PHC1: variants seen among roughly 807,000 people sequenced by gnomAD.
The protein encoded by PHC1 is polyhomeotic-like protein 1.
A neutral mutation model predicts 104.3 loss-of-function variants in PHC1; 12 were observed. That is an observed-to-expected ratio of 0.12 (90% confidence interval 0.07 to 0.19). PHC1 has a LOEUF of 0.19. PHC1 is among the 10% of genes least tolerant of loss of function. The probability of loss-of-function intolerance (pLI) is 1.00; values close to 1 mark genes in which losing one functional copy is unlikely to be tolerated. For synonymous variants in PHC1, 302 were observed against 455.8 expected, an observed-to-expected ratio of 0.66 and a Z score of 4.30; for missense variants, 671 against 1,200.0, an observed-to-expected ratio of 0.56 and a Z score of 6.51.
chr12:8,927,748 G>T (rs1448141862), intron 6 of PHC1, among the ~76,000 whole-genome samples: 1 of 152,154 alleles, frequency 6.6e-6, no homozygotes, highest in African/African-American at 2.4e-5. Context: ...ATGTGCTCTA[G>T]CACCCAATCC....
chr12:8,927,171 A>C (rs1237635558), intron 6 of PHC1, among the ~76,000 whole-genome samples: 2 of 152,184 alleles, frequency 1.3e-5, no homozygotes, highest in Non-Finnish European at 2.9e-5. Flanking sequence ...TCTCTTTCTA[A>C]TGTAGAGAGA....
chr12:8,931,064 G>C, intron 7 of PHC1, 137 bp downstream of exon 7: 1 of 857,190 alleles, frequency 1.2e-6, no homozygotes, highest in Non-Finnish European at 1.8e-6. Flanking sequence ...GAAGGAATGG[G>C]AATAATATCA....
chr12:8,930,022 A>G (rs1420077099), intron 6 of PHC1, among the ~76,000 whole-genome samples: 3 of 152,188 alleles, frequency 2.0e-5, no homozygotes, highest in Non-Finnish European at 4.4e-5. Flanking sequence ...TTATTATGTC[A>G]TAAGTGATAA....
chr12:8,918,823 C>T (rs958787588), intron 2 of PHC1, among the ~76,000 whole-genome samples: 6 of 152,180 alleles, frequency 3.9e-5, no homozygotes, highest in Admixed American at 1.3e-4. Context: ...ATGACAGGAA[C>T]GCGTTTTGAG....
intron 2 of PHC1, among the ~76,000 whole-genome samples, 176 bp downstream of exon 2, chr12:8,917,967 G>C (rs1000424173): frequency 3.9e-5 from 6 of 152,172 alleles, no homozygotes; most frequent in African/African-American, 1.4e-4. Flanking sequence ...GTTTAGGCAA[G>C]CAAACAGTGA....
intron 6 of PHC1, among the ~76,000 whole-genome samples, chr12:8,930,141 G>C (rs1945640272): frequency 6.6e-6 from 1 of 152,166 alleles, no homozygotes; most frequent in African/African-American, 2.4e-5. Context: ...GTTTTTGGGA[G>C]GTGCTGAATG....
At chr12:8,932,406 G>A (rs1194084034) in intron 7 of PHC1, among the ~76,000 whole-genome samples, 157 bp from the exon 8 acceptor site, 5 of 152,226 alleles carry the variant, frequency 3.3e-5, no homozygotes, top group Non-Finnish European at 7.3e-5. Context: ...GAGTATGGAC[G>A]AAGTGATGTC....
In PHC1 at chr12:8,919,691, G is replaced by A; in HGVS notation, c.115-65G>A. On this transcript the variant is annotated intron_variant, in intron 2 of 14. Coordinates refer to ENST00000544916, the MANE Select transcript of PHC1 (RefSeq NM_004426.3). The surrounding 1 kb of genome is among the most constrained non-coding windows in gnomAD (Gnocchi z 4.9). ...CATGGCCCCCTTTCACACAAATACA[G>A]TGATTTACATAGAATAGGAGCTAGG... 6.8e-7 allele frequency: 1 copy of A among 1,481,354 alleles called. No individual in the cohort carries two copies. Among genetic ancestry groups the A allele is most frequent in the Non-Finnish European group, 9.3e-7 (1 of 1,080,704 alleles). 91.8% of individuals were successfully genotyped at this position (1,481,354 alleles called of 1,614,324 possible).
chr12:8,932,385 TTGAG>T (rs1474349187), intron 7 of PHC1, among the ~76,000 whole-genome samples, 174 bp from the exon 8 acceptor site: 1 of 152,204 alleles, frequency 6.6e-6, no homozygotes, highest in African/African-American at 2.4e-5. Flanking sequence ...TAATGTCTGA[TTGAG>T]TGGGAAGAGT....
chr12:8,916,066 A>G (rs1271514867), intron 1 of PHC1: 1 of 154,318 alleles, frequency 6.5e-6, no homozygotes, highest in Non-Finnish European at 1.5e-5. Context: ...ATGAGGATTC[A>G]TGGGTCTGTA....
At chr12:8,925,916 T>G (rs774045944) in intron 6 of PHC1, among the ~76,000 whole-genome samples, 1 of 152,196 alleles carries the variant, frequency 6.6e-6, no homozygotes, top group Non-Finnish European at 1.5e-5. Flanking sequence ...TCTAACAGTT[T>G]AAGGGACAGA....
At chr12:8,934,919 A>G (rs541947454) in intron 10 of PHC1, among the ~76,000 whole-genome samples, 79 of 148,864 alleles carry the variant, frequency 5.3e-4, no homozygotes, top group Non-Finnish European at 9.7e-4. Flanking sequence ...GCCAGTTACT[A>G]TTTTTTTTTT....
chr12:8,922,066 G>A (rs766376287), intron 5 of PHC1, among the ~76,000 whole-genome samples: 11 of 152,198 alleles, frequency 7.2e-5, no homozygotes, highest in African/African-American at 2.4e-4. Context: ...CACCCGCCTC[G>A]GCCTCCCAAA....
rs1055355559 is a variant in PHC1 at position 8,930,944 on chromosome 12, C to T, written c.1105+17C>T. The T allele has an allele frequency of 5.0e-6, 8 of 1,594,650 alleles. No individual in the cohort carries two copies. The African/African-American group carries it at 9.4e-5, about 19-fold the overall frequency. On this transcript the variant is annotated intron_variant, in intron 7 of 14. Transcript: ENST00000544916. ...TTAGCTCAGGTAAATTGTCATTCCTCATGTCATTATTCTCTCAGAATTCAT... is the reference window on the plus strand; with the variant it reads ...TTAGCTCAGGTAAATTGTCATTCCTTATGTCATTATTCTCTCAGAATTCAT...
intron 1 of PHC1, chr12:8,916,163 TG>T (rs1565510002): frequency 6.5e-6 from 1 of 154,368 alleles, no homozygotes; most frequent in Non-Finnish European, 1.5e-5. Flanking sequence ...ATGTACTTTT[TG>T]GGTAATATAC....
intron 5 of PHC1, 92 bp downstream of exon 5, chr12:8,921,842 C>A: frequency 1.6e-6 from 2 of 1,237,026 alleles, no homozygotes; most frequent in Non-Finnish European, 2.3e-6. Context: ...GAGACAGAAT[C>A]TCGCTATGTC....
intron 10 of PHC1, 79 bp downstream of exon 10, chr12:8,934,557 A>G (rs1945781046): frequency 1.0e-6 from 1 of 964,954 alleles, no homozygotes; most frequent in Admixed American, 2.3e-5. Context: ...CAGTAAAAGT[A>G]AAAGGCACAG....
In PHC1 at chr12:8,917,652, A is replaced by G. The variant is rs774432062; in HGVS notation, c.-26A>G. 7.4e-6 allele frequency: 9 copies of G among 1,222,546 alleles called. No individual in the cohort carries two copies. The highest frequency in any genetic ancestry group is 2.8e-5 in the Admixed American group (1 of 35,464). 75.7% of individuals were successfully genotyped at this position (1,222,546 alleles called of 1,614,324 possible). On this transcript the variant is annotated 5_prime_UTR_variant, in exon 2 of 15. Transcript: ENST00000544916. Reference sequence around the variant, plus strand: ...TAGGTCTTGAGTCAGACAGAGCACCAGCCTTGGGGACCCTGGACCACTATC... The same window carrying G: ...TAGGTCTTGAGTCAGACAGAGCACCGGCCTTGGGGACCCTGGACCACTATC...
chr12:8,935,142 C>T lies in PHC1; in HGVS notation c.2272C>T (p.Leu758=). ...EPFPVGCSQL[L]KESEKPLQTG... ...GGGACAGGTGGGTTGTTCTCAGTTA[C>T]TGAAGGAGTCTGAGAAGCCACTACA... is the stretch of plus-strand genomic sequence containing the variant. The change falls in exon 11 of 15, where the codon CTG becomes TTG. Residue 758 remains leucine (L), a synonymous_variant. Transcript: ENST00000544916. The T allele has an allele frequency of 2.5e-6, 4 of 1,575,608 alleles. No individual in the cohort carries two copies. Among genetic ancestry groups the T allele is most frequent in the Non-Finnish European group, 3.5e-6 (4 of 1,153,850 alleles).
Sources: gnomAD v4.1 joint callset for allele counts (sites outside exome capture counted in the v4.1 genomes callset) on GRCh38, gnomAD v4.1.1 for gene constraint, Gnocchi (gnomAD v3.1) non-coding constraint, MANE v1.5 for transcripts, NCBI Gene and HGNC (gene_info 2026-07-23, HGNC 2026-07-21) for gene names.